ACSBG1: variants seen among roughly 807,000 people sequenced by gnomAD.
ACSBG1 encodes acyl-CoA synthetase bubblegum family member 1, also known as long-chain-fatty-acid--CoA ligase ACSBG1.
In ACSBG1, 39 loss-of-function variants were observed where a neutral mutation model predicts 80.2. The ratio of observed to expected loss-of-function variants is 0.49; its 90% CI spans 0.38 to 0.64. The LOEUF is 0.64. ACSBG1 is among the 30% of genes least tolerant of loss of function. The pLI, the probability that ACSBG1 is intolerant of heterozygous loss-of-function variation, is 0.00. For synonymous variants in ACSBG1, 392 were observed against 379.5 expected, an observed-to-expected ratio of 1.03 and a Z score of -0.38; for missense variants, 828 against 966.4, an observed-to-expected ratio of 0.86 and a Z score of 1.90.
At chr15:78,179,849 A>C (rs2074924203) in intron 9 of ACSBG1, 69 bp from the exon 10 acceptor site, 8 of 1,245,768 alleles carry the variant, frequency 6.4e-6, no homozygotes, top group Non-Finnish European at 9.2e-6. Context: ...ACACATACAC[A>C]CATTAAAAGG....
At chr15:78,193,672 GCCACCCCCTTCCC>G in intron 4 of ACSBG1, 46 bp from the exon 5 acceptor site, 1 of 1,581,946 alleles carries the variant, frequency 6.3e-7, no homozygotes. Flanking sequence ...GTGCAGAGGG[GCCACCCCCTTCCC>G]CCACCCCCAC....
At chr15:78,228,178 A>G (rs1595908054) in intron 1 of ACSBG1, among the ~76,000 whole-genome samples, 1 of 152,136 alleles carries the variant, frequency 6.6e-6, no homozygotes, top group Non-Finnish European at 1.5e-5. Flanking sequence ...CCTGTTCTAA[A>G]GTGTTCCTCA....
At chr15:78,174,095 A>G (rs1469523135) in intron 12 of ACSBG1, among the ~76,000 whole-genome samples, 4 of 152,188 alleles carry the variant, frequency 2.6e-5, no homozygotes, top group Non-Finnish European at 5.9e-5. Context: ...CTGCCTGTCT[A>G]CCACCCTGGG....
intron 8 of ACSBG1, 104 bp from the exon 9 acceptor site, chr15:78,181,040 G>A (rs993933358): frequency 4.1e-5 from 55 of 1,355,294 alleles, no homozygotes; most frequent in Non-Finnish European, 4.8e-5. Flanking sequence ...ATGCTCCAAC[G>A]GGCACCCACA....
Position 78,194,702 on chromosome 15 carries a change from G to A in ACSBG1, c.257C>T (p.Ala86Val). The A allele has an allele frequency of 6.2e-7, 1 of 1,613,092 alleles. No individual in the cohort carries two copies. The highest frequency in any genetic ancestry group is 8.5e-7 in the Non-Finnish European group (1 of 1,179,874). ...TATGCGCAGGCGCACCCGCCCATCGGCCCGAGTCGTCCACAGCGCCTCCTC... is the reference window on the plus strand; with the variant it reads ...TATGCGCAGGCGCACCCGCCCATCGACCCGAGTCGTCCACAGCGCCTCCTC... ...APEEALWTTR[A>V]DGRVRLRIDP... The change falls in exon 3 of 14, where the codon GCC becomes GTC. Residue 86 changes from alanine (A) to valine (V), a missense_variant. Coordinates refer to ENST00000258873, the MANE Select transcript of ACSBG1 (RefSeq NM_015162.5).
chr15:78,174,643 TG>T, intron 11 of ACSBG1, 119 bp from the exon 12 acceptor site: 1 of 1,283,130 alleles, frequency 7.8e-7, no homozygotes. Context: ...GCCCCCTTTC[TG>T]GGAGCCAAGA....
rs1248162268 is a variant in ACSBG1, at chr15:78,167,726, C to T, written c.*3718G>A. The T allele has an allele frequency of 6.6e-6, 1 of 152,176 alleles. No individual in the cohort carries two copies. The highest frequency in any genetic ancestry group is 1.5e-5 in the Non-Finnish European group (1 of 68,050). The allele number at this position is 152,176 out of a possible 1,614,324, so 9.4% of individuals were successfully genotyped here. On this transcript the variant is annotated 3_prime_UTR_variant, in exon 14 of 14. Transcript: ENST00000258873. ...CTTCCTGTCTCTATGAATTTGACTA[C>T]TCTAGGTACCTCATGTAAGTGGAAT... is the stretch of plus-strand genomic sequence containing the variant.
chr15:78,174,717 G>A (rs1361018622), intron 11 of ACSBG1, 193 bp from the exon 12 acceptor site: 6 of 609,968 alleles, frequency 9.8e-6, no homozygotes, highest in Admixed American at 3.2e-5. Context: ...GCACCCCGAC[G>A]ACAAATGCTC....
At chr15:78,215,724 G>GAGAAAGAAAA (rs2075302489) in intron 1 of ACSBG1, among the ~76,000 whole-genome samples, 1 of 116,554 alleles carries the variant, frequency 8.6e-6, no homozygotes, top group Non-Finnish European at 1.8e-5. Flanking sequence ...AAGAAAGAAA[G>GAGAAAGAAAA]AGAAAGAAAG....
chr15:78,181,572 C>T (rs2074945078), intron 8 of ACSBG1, among the ~76,000 whole-genome samples: 1 of 145,752 alleles, frequency 6.9e-6, no homozygotes, highest in Non-Finnish European at 1.5e-5. Context: ...CGGCTCACTG[C>T]AAGCTCCACC....
chr15:78,197,015 G>T (rs946049944), intron 2 of ACSBG1, among the ~76,000 whole-genome samples: 1 of 151,982 alleles, frequency 6.6e-6, no homozygotes, highest in African/African-American at 2.4e-5. Context: ...AGTGAGCCAT[G>T]ATTGCACCAC....
At chr15:78,173,950 G>C in intron 12 of ACSBG1, 111 bp from the exon 13 acceptor site, 1 of 1,312,558 alleles carries the variant, frequency 7.6e-7, no homozygotes, top group Non-Finnish European at 1.0e-6. Flanking sequence ...TGTGAGCTCT[G>C]TTTCAAAGAG....
chr15:78,210,315 G>A (rs535115001), intron 1 of ACSBG1, among the ~76,000 whole-genome samples: 4 of 152,314 alleles, frequency 2.6e-5, no homozygotes, highest in Admixed American at 6.5e-5. Flanking sequence ...AATTTGGGGC[G>A]CATGATTAAA....
chr15:78,226,250 C>A (rs144317337), intron 1 of ACSBG1, among the ~76,000 whole-genome samples: 16 of 152,124 alleles, frequency 1.1e-4, no homozygotes, highest in Admixed American at 4.6e-4. Context: ...GAAATCCCAC[C>A]ACTTTTGCCA....
chr15:78,174,713 C>T (rs970414598), intron 11 of ACSBG1, 189 bp from the exon 12 acceptor site: 8 of 623,276 alleles, frequency 1.3e-5, no homozygotes, highest in Non-Finnish European at 2.2e-5. Flanking sequence ...GGCAGCACCC[C>T]GACGACAAAT....
chr15:78,210,867 G>C (rs1595897706), intron 1 of ACSBG1, among the ~76,000 whole-genome samples: 1 of 152,156 alleles, frequency 6.6e-6, no homozygotes, highest in East Asian at 1.9e-4. Context: ...TCTAGCCTTG[G>C]CCTCCTAAAG....
At chr15:78,198,862 C>T (rs2075140037) in intron 2 of ACSBG1, among the ~76,000 whole-genome samples, 1 of 152,102 alleles carries the variant, frequency 6.6e-6, no homozygotes. Context: ...AGGTAGCAAA[C>T]CCAAAATGCT....
chr15:78,181,203 AACTTAG>A lies in ACSBG1; in HGVS notation c.1072-273_1072-268del. 9.0e-6 allele frequency: 4 copies of A among 444,942 alleles called. No individual in the cohort carries two copies. In the Admixed American group the frequency reaches 1.5e-4, roughly 17 times the overall value. The allele number at this position is 444,942 out of a possible 1,614,324, so 27.6% of individuals were successfully genotyped here. On this transcript the variant is annotated intron_variant, in intron 8 of 13. Transcript: ENST00000258873. ...GAGCATGGCAACTCTCCATGAGTCT[AACTTAG>A]ACACAAGAATCCCATTCCCCTCGGC...
At chr15:78,229,864 T>A (rs575451363) in intron 1 of ACSBG1, among the ~76,000 whole-genome samples, 1 of 152,264 alleles carries the variant, frequency 6.6e-6, no homozygotes, top group East Asian at 1.9e-4. Flanking sequence ...GCCCTTAGTC[T>A]GGCCACGTCA....
Sources: gnomAD v4.1 joint callset for allele counts (sites outside exome capture counted in the v4.1 genomes callset) on GRCh38, gnomAD v4.1.1 for gene constraint, MANE v1.5 for transcripts, NCBI Gene and HGNC (gene_info 2026-07-23, HGNC 2026-07-21) for gene names.